HEATR5B: variants seen among roughly 807,000 people sequenced by gnomAD.
The protein encoded by HEATR5B is HEAT repeat containing 5B.
HEATR5B carries 156 observed loss-of-function variants against 224.1 expected under a neutral mutation model. That is an observed-to-expected ratio of 0.70 (90% CI 0.61 to 0.80). The LOEUF (loss-of-function observed/expected upper bound fraction) is 0.80, where lower values mean the gene tolerates loss of function less well. Ranked by LOEUF, HEATR5B falls within the 30% of genes least tolerant of loss-of-function variation. HEATR5B has a pLI of 0.00. For missense variants in HEATR5B, 2,323 were observed against 2,535.5 expected (o/e 0.92, Z 1.80); for synonymous variants, 1,027 against 893.0 (o/e 1.15, Z -2.68).
chr2:37,031,117 G>C (rs879935500), intron 22 of HEATR5B, among the ~76,000 whole-genome samples: 13 of 152,168 alleles, frequency 8.5e-5, no homozygotes, highest in Admixed American at 7.9e-4. Flanking sequence ...TCCATTGCTG[G>C]GTTGCGATCT....
chr2:37,033,666 T>TA (rs1669285613), intron 21 of HEATR5B, among the ~76,000 whole-genome samples: 1 of 152,156 alleles, frequency 6.6e-6, no homozygotes, highest in South Asian at 2.1e-4. Context: ...CAACATGGCA[T>TA]AAAAGTTAAG....
rs376150738 is a variant in HEATR5B at position 37,008,719 on chromosome 2, G to A, written c.4414C>T (p.Leu1472=). The part of the protein sequence containing the change: ...DELPPDSLIT[L]VQPELPTLSR... ...AGTGTTGGTAGTTCAGGTTGTACCA[G>A]TGTTATTAAACTATCTGGTGGCAGT... is the stretch of plus-strand genomic sequence containing the variant. Residue 1472 remains leucine (L), a synonymous_variant, in exon 28 of 36, where the codon CTG becomes TTG. Coordinates refer to ENST00000233099, the MANE Select transcript of HEATR5B (RefSeq NM_019024.3). The A allele has an allele frequency of 1.2e-5, 19 of 1,613,980 alleles. No individual in the cohort carries two copies. The highest frequency in any genetic ancestry group is 1.6e-5 in the Non-Finnish European group (19 of 1,179,980).
chr2:37,009,947 A>C (rs998442283), intron 27 of HEATR5B, among the ~76,000 whole-genome samples: 2 of 152,184 alleles, frequency 1.3e-5, no homozygotes, highest in Non-Finnish European at 1.5e-5. Context: ...CAGACCTTAA[A>C]TGATATTTTG....
rs150832120 is a variant in HEATR5B at position 37,020,034 on chromosome 2, G to T, written c.4036-157C>A. On this transcript the variant is annotated intron_variant, in intron 25 of 35. Coordinates refer to ENST00000233099, the MANE Select transcript of HEATR5B (RefSeq NM_019024.3). Reference sequence around the variant, plus strand: ...TTCTCCTCCCTCAGCCTCCGAAGTAGCTGGGATTATAGGCATGCACCACTA... The same window carrying T: ...TTCTCCTCCCTCAGCCTCCGAAGTATCTGGGATTATAGGCATGCACCACTA... Among the ~76,000 whole-genome samples the T allele has an allele frequency of 6.8e-3, 1,027 of 152,148 alleles. 12 individuals are homozygous for T. The highest frequency in any genetic ancestry group is 0.024 in the African/African-American group (987 of 41,490).
chr2:37,005,570 C>T lies in HEATR5B; in HGVS notation c.4905+62G>A. The T allele has an allele frequency of 8.8e-6, 13 of 1,484,082 alleles. No individual in the cohort carries two copies. In the South Asian group the frequency reaches 1.3e-4, roughly 15 times the overall value. 91.9% of individuals were successfully genotyped at this position (1,484,082 alleles called of 1,614,324 possible). On this transcript the variant is annotated intron_variant, in intron 30 of 35. Transcript: ENST00000233099. Reference sequence around the variant, plus strand: ...ACAGAAAAAAAATCCATCCTTTTTTCCATTGTAAAGCAATACTCAAAAAAA... The same window carrying T: ...ACAGAAAAAAAATCCATCCTTTTTTTCATTGTAAAGCAATACTCAAAAAAA...
At chr2:37,000,893 C>T in intron 32 of HEATR5B, 80 bp from the exon 33 acceptor site, 1 of 953,484 alleles carries the variant, frequency 1.0e-6, no homozygotes, top group Non-Finnish European at 1.6e-6. Flanking sequence ...GTATTTTTTG[C>T]ATTTGATTGT....
chr2:37,065,684 A>G, intron 9 of HEATR5B, 71 bp downstream of exon 9: 1 of 1,290,662 alleles, frequency 7.7e-7, no homozygotes, highest in African/African-American at 1.5e-5. Context: ...ACTAATCAGG[A>G]ATTAAATATC....
At position 37,040,219 on chromosome 2, in the gene HEATR5B, A is replaced by G. The variant is rs1669786669; in HGVS notation, c.3046+110T>C. ...TTCAGTAAATCCAAGTATTCAGTAC[A>G]TAGTAATTGTTATTACAAAATTTCT... On this transcript the variant is annotated intron_variant, in intron 20 of 35. Transcript: ENST00000233099. 3.4e-6 allele frequency: 3 copies of G among 874,450 alleles called. No homozygotes were observed. In the Admixed American group the frequency reaches 6.9e-5, roughly 20 times the overall value. The allele number at this position is 874,450 out of a possible 1,614,324, so 54.2% of individuals were successfully genotyped here.
Position 37,075,529 on chromosome 2 carries a change from G to C in HEATR5B, c.553C>G (p.Leu185Val), listed in dbSNP as rs780946610. The change falls in exon 5 of 36, where the codon CTC (leucine) becomes GTC (valine). Residue 185 changes from leucine (L) to valine (V), a missense_variant. Around this residue, in one of 12 missense-constraint regions of HEATR5B, gnomAD observed 292 missense variants for 332.6 expected, o/e 0.88. Coordinates refer to ENST00000233099, the MANE Select transcript of HEATR5B (RefSeq NM_019024.3). ...HRDIYKNARS[L>V]LTDRSMAVRC... Reference sequence around the variant, plus strand: ...ACAGCCATTGACCTATCAGTCAAGAGAGACCTGGCATTCTTGTAAATATCA... The same window carrying C: ...ACAGCCATTGACCTATCAGTCAAGACAGACCTGGCATTCTTGTAAATATCA... 2 of 1,614,074 alleles carry C rather than the reference G, an allele frequency of 1.2e-6. No homozygotes were observed. The highest frequency in any genetic ancestry group is 1.7e-6 in the Non-Finnish European group (2 of 1,179,980).
chr2:37,055,054 T>TA (rs1289990254), intron 16 of HEATR5B: 1 of 388,878 alleles, frequency 2.6e-6, no homozygotes, highest in Non-Finnish European at 5.3e-6. Context: ...TGATGTACTT[T>TA]AAAAAATTCT....
At chr2:37,013,057 T>C (rs144659529) in intron 27 of HEATR5B, among the ~76,000 whole-genome samples, 20 of 152,362 alleles carry the variant, frequency 1.3e-4, no homozygotes, top group Admixed American at 3.3e-4. Context: ...AACAACACTT[T>C]GTTGAATGAA....
Position 37,058,889 on chromosome 2 carries a change from G to C in HEATR5B, c.1948C>G (p.His650Asp). The change falls in exon 13 of 36, where the codon CAC becomes GAC. Residue 650 changes from histidine to aspartate, a missense_variant and splice_region_variant. Transcript: ENST00000233099. ...PIECAMTMMS[H>D]IPSVMKAHGA... ...AACTTGTCTCAATCGCTTACTTACTGTGACATCATAGTCATGGCACATTCA... is the reference window on the plus strand; with the variant it reads ...AACTTGTCTCAATCGCTTACTTACTCTGACATCATAGTCATGGCACATTCA... 1 of 1,577,168 alleles carries C rather than the reference G, an allele frequency of 6.3e-7. No individual in the cohort carries two copies. The highest frequency in any genetic ancestry group is 8.7e-7 in the Non-Finnish European group (1 of 1,149,334).
At chr2:37,000,355 C>T (rs1015792452) in intron 33 of HEATR5B, among the ~76,000 whole-genome samples, 1 of 152,132 alleles carries the variant, frequency 6.6e-6, no homozygotes, top group Non-Finnish European at 1.5e-5. Flanking sequence ...GGATTACAGA[C>T]GTGGGCCACC....
chr2:37,025,327 C>T (rs1002377440), intron 24 of HEATR5B, among the ~76,000 whole-genome samples: 18 of 151,764 alleles, frequency 1.2e-4, no homozygotes, highest in Non-Finnish European at 2.1e-4. Context: ...ATTCCAAATA[C>T]GGAGAGTACT....
intron 35 of HEATR5B, among the ~76,000 whole-genome samples, chr2:36,987,458 A>G (rs943425189): frequency 9.2e-5 from 14 of 152,144 alleles, no homozygotes; most frequent in Non-Finnish European, 1.5e-4. Context: ...ATCTTGAAAA[A>G]TTAAAAACAG....
At chr2:36,995,087 G>GTTTTTTTTTTT (rs775120824) in intron 33 of HEATR5B, among the ~76,000 whole-genome samples, 16,637 of 102,922 alleles carry the variant, frequency 0.16, 2,653 homozygotes, top group Non-Finnish European at 0.19. Context: ...GTTATTCCTT[G>GTTTTTTTTTTT]TTTTTTTTTT....
Position 37,068,826 on chromosome 2 carries a change from T to C in HEATR5B, c.1032A>G (p.Thr344=). 1 of 1,614,188 alleles carries C rather than the reference T, an allele frequency of 6.2e-7. No homozygotes were observed. ...VLDLVSHPRA[T]QTHVEAVYSR... Reference sequence around the variant, plus strand: ...AGTACACAGCCTCCACATGTGTTTGTGTTGCCCGAGGATGGGAAACCAGAT... The same window carrying C: ...AGTACACAGCCTCCACATGTGTTTGCGTTGCCCGAGGATGGGAAACCAGAT... The change falls in exon 8 of 36, where the codon ACA becomes ACG. Residue 344 remains threonine (T), a synonymous_variant. Transcript: ENST00000233099.
chr2:37,049,636 T>C lies in HEATR5B; in HGVS notation c.2696+17A>G. 1 of 1,604,166 alleles carries C rather than the reference T, an allele frequency of 6.2e-7. No individual in the cohort carries two copies. On this transcript the variant is annotated intron_variant, in intron 18 of 35. Coordinates refer to ENST00000233099, the MANE Select transcript of HEATR5B (RefSeq NM_019024.3). ...TTTGCCTACACATGAAACTTGTTAGTAAAGAAACCCACTTACTTGTCAAAG... is the reference window on the plus strand; with the variant it reads ...TTTGCCTACACATGAAACTTGTTAGCAAAGAAACCCACTTACTTGTCAAAG...
rs1029082482 is a variant in HEATR5B, at chr2:37,072,282, C to T, written c.598-1G>A. 5.6e-6 allele frequency: 9 copies of T among 1,595,186 alleles called. No homozygotes were observed. The Admixed American group carries it at 1.0e-4, about 18-fold the overall frequency. On this transcript the variant is annotated splice_acceptor_variant, in intron 5 of 35. Coordinates refer to ENST00000233099, the MANE Select transcript of HEATR5B (RefSeq NM_019024.3). LOFTEE classifies it high-confidence loss of function. ...CTTCATTCTGTAGTTCTAGTAGACACTGGAATTAAAAACAAAAAAGTAAAT... is the reference window on the plus strand; with the variant it reads ...CTTCATTCTGTAGTTCTAGTAGACATTGGAATTAAAAACAAAAAAGTAAAT...
Sources: gnomAD v4.1 joint callset for allele counts (sites outside exome capture counted in the v4.1 genomes callset) on GRCh38, gnomAD v4.1.1 for gene constraint, gnomAD v4.1.1 regional missense constraint, MANE v1.5 for transcripts, NCBI Gene and HGNC (gene_info 2026-07-23, HGNC 2026-07-21) for gene names.